LMLN: variants seen among roughly 807,000 people sequenced by gnomAD.
The protein encoded by LMLN is leishmanolysin-like peptidase.
A neutral mutation model predicts 92.3 loss-of-function variants in LMLN; 70 were observed. That is an observed-to-expected ratio of 0.76 (90% confidence interval 0.63 to 0.92). The LOEUF (loss-of-function observed/expected upper bound fraction) is 0.92, where lower values mean the gene tolerates loss of function less well. Among genes scored for constraint, LMLN ranks in the 40% least tolerant of loss-of-function variants. LMLN has a pLI of 0.00. For synonymous variants in LMLN, 308 were observed against 296.2 expected (o/e 1.04, Z -0.41); for missense variants, 691 against 814.6 (o/e 0.85, Z 1.85).
At chr3:198,011,211 G>C (rs796812233) in intron 11 of LMLN, among the ~76,000 whole-genome samples, 1 of 125,814 alleles carries the variant, frequency 7.9e-6, no homozygotes, top group Non-Finnish European at 1.8e-5. Flanking sequence ...CCATGTTGGT[G>C]TGCTGCACCC....
intron 1 of LMLN, among the ~76,000 whole-genome samples, chr3:197,971,702 A>G (rs1006032973): frequency 6.6e-6 from 1 of 152,140 alleles, no homozygotes; most frequent in Non-Finnish European, 1.5e-5. Context: ...CTCATGCCTC[A>G]GCTTCCTGAG....
chr3:197,986,844 C>CTT (rs749444175), intron 8 of LMLN, among the ~76,000 whole-genome samples: 12 of 133,790 alleles, frequency 9.0e-5, no homozygotes, highest in Non-Finnish European at 9.4e-5. Context: ...AATTTTTTTT[C>CTT]TTTTTTTTTT....
chr3:197,990,500 T>G (rs1721834994), intron 8 of LMLN, 59 bp from the exon 9 acceptor site: 1 of 729,954 alleles, frequency 1.4e-6, no homozygotes, highest in Non-Finnish European at 2.3e-6. Context: ...ATGTAAATAT[T>G]TTTATATTTA....
At chr3:198,017,553 T>A (rs1246372206) in intron 11 of LMLN, among the ~76,000 whole-genome samples, 1 of 152,228 alleles carries the variant, frequency 6.6e-6, no homozygotes, top group Non-Finnish European at 1.5e-5. Flanking sequence ...AGAGCTATAC[T>A]GTCTAATATG....
At chr3:197,996,142 A>G in intron 9 of LMLN, 33 bp from the exon 10 acceptor site, 2 of 1,282,558 alleles carry the variant, frequency 1.6e-6, no homozygotes, top group Non-Finnish European at 2.2e-6. Flanking sequence ...CTTTTGTACC[A>G]TATTTGTTTC....
At chr3:198,002,556 AG>A (rs1156524443) in intron 11 of LMLN, among the ~76,000 whole-genome samples, 1 of 152,190 alleles carries the variant, frequency 6.6e-6, no homozygotes, top group Non-Finnish European at 1.5e-5. Context: ...TGGCAAACAT[AG>A]TGAAACCCCG....
At chr3:197,992,958 C>T (rs1042084768) in intron 9 of LMLN, among the ~76,000 whole-genome samples, 1 of 152,118 alleles carries the variant, frequency 6.6e-6, no homozygotes, top group Non-Finnish European at 1.5e-5. Context: ...GATTTATCCC[C>T]AGGATGCAAG....
chr3:197,987,133 C>G (rs987473904), intron 8 of LMLN, among the ~76,000 whole-genome samples: 8 of 149,142 alleles, frequency 5.4e-5, no homozygotes, highest in African/African-American at 9.9e-5. Flanking sequence ...AGCCACCGCA[C>G]CCGGCCTATG....
At chr3:197,974,772 C>T (rs186427105) in intron 2 of LMLN, among the ~76,000 whole-genome samples, 1 of 152,330 alleles carries the variant, frequency 6.6e-6, no homozygotes, top group African/African-American at 2.4e-5. Flanking sequence ...CTGGAAGGTA[C>T]TCTTCAATAA....
intron 11 of LMLN, among the ~76,000 whole-genome samples, chr3:198,018,738 CTAT>C (rs1722707579): frequency 6.6e-6 from 1 of 151,938 alleles, no homozygotes; most frequent in South Asian, 2.1e-4. Context: ...AATAGGATTT[CTAT>C]TATTTAGGAA....
exon 13 of LMLN, chr3:198,021,555 G>T: frequency 6.2e-7 from 1 of 1,614,168 alleles, no homozygotes; most frequent in Non-Finnish European, 8.5e-7. Context: ...TGGCATTTAA[G>T]TGGTGAATAT....
chr3:197,965,377 C>T (rs1721027699), intron 1 of LMLN, among the ~76,000 whole-genome samples: 1 of 151,736 alleles, frequency 6.6e-6, no homozygotes, highest in African/African-American at 2.4e-5. Flanking sequence ...TTCACGTGTA[C>T]TTGTGAAGAA....
intron 7 of LMLN, chr3:197,985,518 T>C (rs1721681089): frequency 4.6e-6 from 1 of 215,424 alleles, no homozygotes; most frequent in African/African-American, 2.3e-5. Context: ...ACGACAGTAA[T>C]TAATGTTTGT....
At chr3:198,035,752 G>A (rs7640149) in intron 14 of LMLN, 81 bp from the exon 16 acceptor site, 244,126 of 1,057,300 alleles carry the variant, frequency 0.23, 31,397 homozygotes, top group African/African-American at 0.47. Context: ...ATATTTTCCT[G>A]TAGTTGAAGG....
intron 1 of LMLN, among the ~76,000 whole-genome samples, chr3:197,967,128 T>A (rs1324335304): frequency 6.6e-6 from 1 of 152,166 alleles, no homozygotes; most frequent in Non-Finnish European, 1.5e-5. Context: ...GGTCTGTAGT[T>A]TTTTTAATTT....
At chr3:197,990,813 A>G (rs1056759425) in intron 9 of LMLN, 137 bp downstream of exon 9, 16 of 540,188 alleles carry the variant, frequency 3.0e-5, no homozygotes, top group East Asian at 8.5e-5. Context: ...AGGGAATGCA[A>G]TGAAGCTACG....
chr3:197,968,466 A>G (rs574515076), intron 1 of LMLN, among the ~76,000 whole-genome samples: 17 of 152,182 alleles, frequency 1.1e-4, no homozygotes, highest in African/African-American at 3.1e-4. Context: ...AAAAAAAAAA[A>G]GAAAAGAAAT....
At chr3:198,018,878 C>T (rs1722710662) in intron 11 of LMLN, among the ~76,000 whole-genome samples, 1 of 152,218 alleles carries the variant, frequency 6.6e-6, no homozygotes, top group African/African-American at 2.4e-5. Context: ...GACAGTGCAA[C>T]AGATTCTGAT....
intron 14 of LMLN, among the ~76,000 whole-genome samples, chr3:198,027,687 C>T (rs1317502038): frequency 6.6e-6 from 1 of 152,230 alleles, no homozygotes; most frequent in East Asian, 1.9e-4. Context: ...TGTATCAGAA[C>T]AGTATTCCTT....
Sources: gnomAD v4.1 joint callset for allele counts (sites outside exome capture counted in the v4.1 genomes callset) on GRCh38, gnomAD v4.1.1 for gene constraint, MANE v1.5 for transcripts, NCBI Gene and HGNC (gene_info 2026-07-23, HGNC 2026-07-21) for gene names.